Variants in TNC observed in about 807,000 individuals in gnomAD.
TNC encodes tenascin.
A neutral mutation model predicts 202.4 loss-of-function variants in TNC; 109 were observed. That is an observed-to-expected ratio of 0.54 (90% confidence interval 0.46 to 0.63). TNC has a LOEUF of 0.63. Ranked by LOEUF, TNC falls within the 30% of genes least tolerant of loss-of-function variation. TNC has a pLI of 0.00. For missense variants in TNC, 2,756 were observed against 2,833.3 expected, an observed-to-expected ratio of 0.97 and a Z score of 0.62; for synonymous variants, 1,007 against 1,089.7, an observed-to-expected ratio of 0.92 and a Z score of 1.50.
chr9:115,079,868 T>C (rs1377080916), intron 6 of TNC, among the ~76,000 whole-genome samples: 3 of 152,176 alleles, frequency 2.0e-5, no homozygotes, highest in African/African-American at 7.2e-5. Context: ...CACCTTTATA[T>C]AGATGCCAGA....
In TNC at chr9:115,042,321, C is replaced by G. The variant is rs1236829592; in HGVS notation, c.5146G>C (p.Val1716Leu). The G allele has an allele frequency of 2.5e-6, 4 of 1,614,090 alleles. No homozygotes were observed. In the South Asian group the frequency reaches 4.4e-5, roughly 18 times the overall value. The change falls in exon 18 of 28, where the codon GTC becomes CTC. Residue 1716 changes from valine to leucine, a missense_variant. Physicochemically the swap from Val to Leu is conservative, Grantham distance 32. Transcript: ENST00000350763. ...TTTTCAGTGATGTCTGAGAAAATGA[C>G]TTCCTTTGGGGAGCCCATGGCTGTC... Reference protein sequence around the residue: ...ATTAMGSPKEVIFSDITENSA... With the variant: ...ATTAMGSPKELIFSDITENSA...
At chr9:115,077,334 G>A (rs544164290) in intron 7 of TNC, among the ~76,000 whole-genome samples, 2 of 152,302 alleles carry the variant, frequency 1.3e-5, no homozygotes, top group South Asian at 4.1e-4. Flanking sequence ...GGGATTACAG[G>A]CGTGAGCCAC....
At chr9:115,103,323 G>A (rs1351222275) in intron 1 of TNC, among the ~76,000 whole-genome samples, 3 of 152,188 alleles carry the variant, frequency 2.0e-5, no homozygotes, top group Admixed American at 6.5e-5. Flanking sequence ...AGCATCCTGG[G>A]TTATTAGTTA....
Position 115,091,141 on chromosome 9 carries a change from G to A in TNC, c.-123C>T. 2.7e-6 allele frequency: 2 copies of A among 746,914 alleles called. No individual in the cohort carries two copies. Among genetic ancestry groups the A allele is most frequent in the Non-Finnish European group, 2.1e-6 (1 of 469,922 alleles). 46.3% of individuals were successfully genotyped at this position (746,914 alleles called of 1,614,324 possible). On this transcript the variant is annotated 5_prime_UTR_variant, in exon 2 of 28. Coordinates refer to ENST00000350763, the MANE Select transcript of TNC (RefSeq NM_002160.4). Reference sequence around the variant, plus strand: ...CAAATCAGTTGTCCCTGATCTTCTTGAAAGAATTATTTTCTACAAGCAAAG... The same window carrying A: ...CAAATCAGTTGTCCCTGATCTTCTTAAAAGAATTATTTTCTACAAGCAAAG...
chr9:115,035,425 C>T, intron 21 of TNC, 91 bp from the exon 22 acceptor site: 2 of 1,370,286 alleles, frequency 1.5e-6, no homozygotes, highest in Non-Finnish European at 1.0e-6. Flanking sequence ...GGTTCAAGTC[C>T]TTTCCCTACC....
chr9:115,105,838 ACTTT>A (rs767161345), intron 1 of TNC, among the ~76,000 whole-genome samples: 2 of 152,156 alleles, frequency 1.3e-5, no homozygotes, highest in Non-Finnish European at 2.9e-5. Flanking sequence ...AAATTACACA[ACTTT>A]CTTTACTTCA....
intron 1 of TNC, among the ~76,000 whole-genome samples, chr9:115,112,928 T>C (rs560494461): frequency 6.6e-6 from 1 of 152,288 alleles, no homozygotes; most frequent in African/African-American, 2.4e-5. Context: ...TGGCTTCCCT[T>C]GGGCAGCACT....
rs532100466 is a variant in TNC at position 115,097,115 on chromosome 9, G to A, written c.-136-5961C>T. Among the ~76,000 whole-genome samples, 15 of 152,296 alleles carry A rather than the reference G, an allele frequency of 9.8e-5. No homozygotes were observed. The South Asian group carries it at 2.9e-3, about 30-fold the overall frequency. ...AAACATTTCCATTAATGAAGCAGTT[G>A]CGTGTGGGGGAAAGAGTCTGGTCTT... On this transcript the variant is annotated intron_variant, in intron 1 of 27. Coordinates refer to ENST00000350763, the MANE Select transcript of TNC (RefSeq NM_002160.4).
chr9:115,033,218 T>C (rs190016787), intron 22 of TNC, among the ~76,000 whole-genome samples: 1 of 152,230 alleles, frequency 6.6e-6, no homozygotes, highest in Non-Finnish European at 1.5e-5. Context: ...CTATACCAGG[T>C]TGATTTTTTT....
At chr9:115,033,619 T>C (rs1004162215) in intron 22 of TNC, among the ~76,000 whole-genome samples, 4 of 152,232 alleles carry the variant, frequency 2.6e-5, no homozygotes, top group Non-Finnish European at 5.9e-5. Context: ...AGATAGTTCA[T>C]TGTTATATCA....
intron 17 of TNC, among the ~76,000 whole-genome samples, chr9:115,043,772 G>A (rs1742588818): frequency 6.6e-6 from 1 of 152,042 alleles, no homozygotes; most frequent in South Asian, 2.1e-4. Context: ...ACAGTGAGGT[G>A]TATAAACTCA....
At chr9:115,040,455 G>T (rs903139251) in intron 19 of TNC, among the ~76,000 whole-genome samples, 1 of 152,200 alleles carries the variant, frequency 6.6e-6, no homozygotes, top group Admixed American at 6.5e-5. Context: ...CAGGCAATAG[G>T]CGGGGAGGTG....
intron 26 of TNC, among the ~76,000 whole-genome samples, 174 bp downstream of exon 26, chr9:115,026,360 C>T (rs1159833051): frequency 1.3e-5 from 2 of 152,078 alleles, no homozygotes; most frequent in Non-Finnish European, 2.9e-5. Context: ...AAATATCTAC[C>T]CAACACTTTT....
At chr9:115,098,361 T>C (rs908736323) in intron 1 of TNC, among the ~76,000 whole-genome samples, 13 of 152,238 alleles carry the variant, frequency 8.5e-5, no homozygotes, top group Non-Finnish European at 1.8e-4. Flanking sequence ...TCCTTCTTTT[T>C]TTCTCTTTTA....
chr9:115,065,731 G>A (rs11790704), intron 10 of TNC, among the ~76,000 whole-genome samples: 3 of 151,732 alleles, frequency 2.0e-5, no homozygotes, highest in Non-Finnish European at 4.4e-5. Context: ...GCGAAACCCC[G>A]TGTCTACAAA....
At chr9:115,026,716 T>A (rs1179215152) in intron 25 of TNC, 21 bp from the exon 26 acceptor site, 1 of 1,612,298 alleles carries the variant, frequency 6.2e-7, no homozygotes, top group Admixed American at 1.7e-5. Flanking sequence ...CAGGCAAGGG[T>A]TGCTAAGAAG....
At chr9:115,077,713 T>C (rs1833983014) in intron 7 of TNC, among the ~76,000 whole-genome samples, 1 of 152,250 alleles carries the variant, frequency 6.6e-6, no homozygotes, top group Non-Finnish European at 1.5e-5. Context: ...CAGACCAGCA[T>C]CTTCTACATA....
At chr9:115,063,644 G>C in intron 12 of TNC, 152 bp downstream of exon 12, 1 of 869,010 alleles carries the variant, frequency 1.2e-6, no homozygotes, top group East Asian at 2.6e-5. Flanking sequence ...AGCCAAATAA[G>C]GGATGTGACA....
chr9:115,042,376 CA>C (rs764684875), intron 17 of TNC, 35 bp from the exon 18 acceptor site: 1 of 1,610,854 alleles, frequency 6.2e-7, no homozygotes, highest in South Asian at 1.1e-5. Flanking sequence ...AGCCCAGAAA[CA>C]GTTAACTGTC....
Sources: allele counts gnomAD v4.1 joint callset (sites outside exome capture counted in the v4.1 genomes callset), GRCh38; gene constraint gnomAD v4.1.1; transcripts MANE v1.5; gene names NCBI Gene and HGNC (gene_info 2026-07-23, HGNC 2026-07-21).